ROR2: variants seen among roughly 807,000 people sequenced by gnomAD.
ROR2 encodes the protein tyrosine-protein kinase transmembrane receptor ROR2.
Under a neutral mutation model 74.9 loss-of-function variants are expected in ROR2, and 33 were observed. That is an observed-to-expected ratio of 0.44 (90% CI 0.33 to 0.59). The LOEUF is 0.59. ROR2 is among the 20% of genes least tolerant of loss of function. The pLI is 0.02. For missense variants in ROR2, 1,216 were observed against 1,313.8 expected (o/e 0.93, Z 1.15); for synonymous variants, 586 against 558.7 (o/e 1.05, Z -0.69).
At chr9:91,937,953 A>C (rs771357152) in intron 1 of ROR2, among the ~76,000 whole-genome samples, 11 of 152,192 alleles carry the variant, frequency 7.2e-5, no homozygotes, top group Admixed American at 1.3e-4. Context: ...CCTGACTGCA[A>C]GTGACCCTCC....
intron 1 of ROR2, among the ~76,000 whole-genome samples, chr9:91,926,869 G>A (rs1273425015): frequency 6.6e-6 from 1 of 152,164 alleles, no homozygotes; most frequent in East Asian, 1.9e-4. Context: ...GTTTCATGGG[G>A]AGAGAGCTTC....
intron 1 of ROR2, among the ~76,000 whole-genome samples, chr9:91,799,531 C>T (rs1414059858): frequency 6.6e-6 from 1 of 152,218 alleles, no homozygotes; most frequent in Admixed American, 6.5e-5. Flanking sequence ...CCCATGTGCA[C>T]TCAGAAACGG....
intron 1 of ROR2, among the ~76,000 whole-genome samples, chr9:91,859,278 T>A (rs1250732614): frequency 6.8e-6 from 1 of 146,318 alleles, no homozygotes; most frequent in African/African-American, 2.6e-5. Context: ...CTTGGCTCAC[T>A]GCAACCACAG....
intron 1 of ROR2, among the ~76,000 whole-genome samples, chr9:91,909,879 T>TTTTTTTTAGTTGGTG (rs1587839943): frequency 6.9e-6 from 1 of 144,806 alleles, no homozygotes; most frequent in Non-Finnish European, 1.5e-5. Context: ...TTTAGTTTTT[T>TTTTTTTTAGTTGGTG]TCAATCAGAG....
chr9:91,729,291 A>T (rs2118668186), intron 7 of ROR2, among the ~76,000 whole-genome samples: 1 of 152,298 alleles, frequency 6.6e-6, no homozygotes, highest in African/African-American at 2.4e-5. Flanking sequence ...CTGTCCTACA[A>T]CCTGCTTTTG....
At chr9:91,762,463 C>A (rs1225012542) in intron 2 of ROR2, among the ~76,000 whole-genome samples, 1 of 152,132 alleles carries the variant, frequency 6.6e-6, no homozygotes, top group Non-Finnish European at 1.5e-5. Flanking sequence ...TTTCAACATT[C>A]TTTTTTGATT....
chr9:91,933,718 A>G (rs1831610325), intron 1 of ROR2, among the ~76,000 whole-genome samples: 1 of 152,216 alleles, frequency 6.6e-6, no homozygotes, highest in Non-Finnish European at 1.5e-5. Flanking sequence ...ACATTATGCT[A>G]AGTGAAAGAA....
chr9:91,879,450 G>A (rs1807982801), intron 1 of ROR2, among the ~76,000 whole-genome samples: 1 of 152,054 alleles, frequency 6.6e-6, no homozygotes, highest in Admixed American at 6.6e-5. Flanking sequence ...GGGTGTGTGT[G>A]TGTGTGGACA....
chr9:91,783,965 G>A (rs1292700691), intron 1 of ROR2, among the ~76,000 whole-genome samples: 3 of 152,070 alleles, frequency 2.0e-5, no homozygotes, highest in Non-Finnish European at 4.4e-5. Flanking sequence ...CTCCTTGAGG[G>A]CTTGCTTTAA....
At chr9:91,783,532 C>T (rs962752577) in intron 1 of ROR2, among the ~76,000 whole-genome samples, 2 of 152,170 alleles carry the variant, frequency 1.3e-5, no homozygotes, top group Non-Finnish European at 2.9e-5. Context: ...TATATGGAAG[C>T]CACCTCCAAC....
intron 1 of ROR2, among the ~76,000 whole-genome samples, chr9:91,900,217 G>A (rs1830636785): frequency 6.6e-6 from 1 of 152,190 alleles, no homozygotes; most frequent in East Asian, 1.9e-4. Context: ...GCCGCCAGGG[G>A]GTGGGGGGCA....
chr9:91,852,393 C>A (rs1293182213), intron 1 of ROR2, among the ~76,000 whole-genome samples: 6 of 152,236 alleles, frequency 3.9e-5, no homozygotes, highest in Admixed American at 2.0e-4. Context: ...CTCTTTGCAA[C>A]CTCCTAGTGT....
At chr9:91,753,665 C>T (rs930281261) in intron 4 of ROR2, among the ~76,000 whole-genome samples, 1 of 152,100 alleles carries the variant, frequency 6.6e-6, no homozygotes, top group Non-Finnish European at 1.5e-5. Flanking sequence ...GATGGGAATG[C>T]CTGTCACAAT....
intron 1 of ROR2, among the ~76,000 whole-genome samples, chr9:91,892,711 CCCT>C (rs1830451794): frequency 6.6e-6 from 1 of 151,332 alleles, no homozygotes; most frequent in South Asian, 2.1e-4. Flanking sequence ...TGCCTCAGCC[CCCT>C]GAGTAGCTGG....
At chr9:91,767,641 T>C (rs1204792897) in intron 2 of ROR2, among the ~76,000 whole-genome samples, 1 of 152,206 alleles carries the variant, frequency 6.6e-6, no homozygotes, top group African/African-American at 2.4e-5. Context: ...TCCAGGTTAA[T>C]AAATCCGTTG....
intron 1 of ROR2, among the ~76,000 whole-genome samples, chr9:91,807,694 G>A (rs143454038): frequency 2.4e-4 from 36 of 152,150 alleles, no homozygotes; most frequent in African/African-American, 8.2e-4. Context: ...CCCAGCTGGC[G>A]TCCACTGCTT....
chr9:91,945,265 G>C (rs1831985115), intron 1 of ROR2, among the ~76,000 whole-genome samples: 1 of 152,150 alleles, frequency 6.6e-6, no homozygotes, highest in Admixed American at 6.5e-5. Context: ...TTATATAGCT[G>C]TGTGTGCCTG....
At chr9:91,897,683 C>G (rs1830570288) in intron 1 of ROR2, among the ~76,000 whole-genome samples, 2 of 152,094 alleles carry the variant, frequency 1.3e-5, no homozygotes, top group Non-Finnish European at 2.9e-5. Flanking sequence ...CTTCCAGGCC[C>G]AGGGGCATCT....
intron 2 of ROR2, among the ~76,000 whole-genome samples, chr9:91,762,268 A>T (rs914901959): frequency 6.6e-6 from 1 of 152,162 alleles, no homozygotes; most frequent in Admixed American, 6.5e-5. Context: ...TCTCAAAATA[A>T]TTAACTTAAT....
Sources: allele counts gnomAD v4.1 joint callset (sites outside exome capture counted in the v4.1 genomes callset), GRCh38; gene constraint gnomAD v4.1.1; transcripts MANE v1.5; gene names NCBI Gene and HGNC (gene_info 2026-07-23, HGNC 2026-07-21).